The following TFDP2 variants were observed in gnomAD, a reference collection of about 807,000 sequenced individuals.
TFDP2 encodes the protein transcription factor Dp-2.
A neutral mutation model predicts 59.3 loss-of-function variants in TFDP2; 17 were observed. That is an observed-to-expected ratio of 0.29 (90% CI 0.20 to 0.43). The LOEUF (loss-of-function observed/expected upper bound fraction) is 0.43, where lower values mean the gene tolerates loss of function less well. TFDP2 is among the 20% of genes least tolerant of loss of function. TFDP2 has a pLI of 1.00. For missense variants in TFDP2, 391 were observed against 528.8 expected (o/e 0.74, Z 2.56); for synonymous variants, 180 against 194.7 (o/e 0.92, Z 0.63).
At chr3:142,082,369 A>G (rs1432653278) in intron 3 of TFDP2, among the ~76,000 whole-genome samples, 2 of 152,226 alleles carry the variant, frequency 1.3e-5, no homozygotes, top group Admixed American at 6.5e-5. Flanking sequence ...AAGGTGCACA[A>G]CAAATGTAAT....
chr3:142,134,857 A>C (rs1376333497), intron 1 of TFDP2, among the ~76,000 whole-genome samples: 4 of 152,078 alleles, frequency 2.6e-5, no homozygotes, highest in African/African-American at 9.7e-5. Flanking sequence ...GCAAAAAGAA[A>C]AAAAATCTGT....
chr3:142,038,579 T>A (rs996674162), intron 3 of TFDP2, among the ~76,000 whole-genome samples: 1 of 152,118 alleles, frequency 6.6e-6, no homozygotes, highest in African/African-American at 2.4e-5. Flanking sequence ...TAGCTTTTTA[T>A]ATAATGTCCA....
intron 6 of TFDP2, among the ~76,000 whole-genome samples, chr3:141,985,846 ACT>A (rs1182902628): frequency 6.6e-6 from 1 of 152,188 alleles, no homozygotes; most frequent in African/African-American, 2.4e-5. Context: ...TTGGAGAAAA[ACT>A]CTGCAAATCA....
At chr3:142,104,603 A>C (rs1339671131) in intron 1 of TFDP2, among the ~76,000 whole-genome samples, 1 of 152,202 alleles carries the variant, frequency 6.6e-6, no homozygotes, top group Non-Finnish European at 1.5e-5. Context: ...ATATTTAGCT[A>C]TATTATTAAA....
intron 3 of TFDP2, among the ~76,000 whole-genome samples, chr3:142,083,771 T>G (rs988971245): frequency 6.6e-6 from 1 of 152,158 alleles, no homozygotes; most frequent in African/African-American, 2.4e-5. Flanking sequence ...GTTTCTTCAA[T>G]AAACAGTGCT....
At chr3:142,139,111 A>C (rs2062840727) in intron 1 of TFDP2, among the ~76,000 whole-genome samples, 3 of 152,118 alleles carry the variant, frequency 2.0e-5, no homozygotes, top group African/African-American at 7.2e-5. Context: ...TCCCTGTACC[A>C]CTGCGTAATG....
Position 141,963,888 on chromosome 3 carries a change from A to C in TFDP2, c.808T>G (p.Ser270Ala), listed in dbSNP as rs1454859029. ...QQNQGPPALNSTIQLPFIIIN... is the reference protein window; with the variant it reads ...QQNQGPPALNATIQLPFIIIN... Reference sequence around the variant, plus strand: ...ATTATGAATGGCAGCTGAATGGTAGAGTTCAGAGCCGGCGGGCCCTGGTTT... The same window carrying C: ...ATTATGAATGGCAGCTGAATGGTAGCGTTCAGAGCCGGCGGGCCCTGGTTT... The change falls in exon 10 of 13, where the codon TCT (serine) becomes GCT (alanine). Residue 270 changes from serine to alanine, a missense_variant. This residue lies in a region of TFDP2 where 223 missense variants were observed against 292.5 expected (regional missense o/e 0.76). Transcript: ENST00000489671. 2 of 1,613,734 alleles carry C rather than the reference A, an allele frequency of 1.2e-6. No individual in the cohort carries two copies. The highest frequency in any genetic ancestry group is 3.3e-5 in the Admixed American group (2 of 59,924).
chr3:142,043,806 C>G (rs1414324014), intron 3 of TFDP2: 1 of 1,593,384 alleles, frequency 6.3e-7, no homozygotes, highest in Non-Finnish European at 8.6e-7. Flanking sequence ...CCATGAGAAT[C>G]CGCTTGTTTT....
intron 4 of TFDP2, among the ~76,000 whole-genome samples, chr3:142,000,863 G>A (rs529377925): frequency 3.3e-5 from 5 of 152,282 alleles, no homozygotes; most frequent in East Asian, 1.9e-4. Context: ...AATAATCTTC[G>A]ACTTGATATC....
At chr3:142,136,059 A>G (rs2108740291) in intron 1 of TFDP2, among the ~76,000 whole-genome samples, 1 of 152,148 alleles carries the variant, frequency 6.6e-6, no homozygotes, top group South Asian at 2.1e-4. Context: ...CATCCTCTCC[A>G]GCACGTTGTT....
chr3:142,093,205 C>A, intron 2 of TFDP2, 78 bp from the exon 3 acceptor site: 1 of 871,500 alleles, frequency 1.1e-6, no homozygotes, highest in Non-Finnish European at 1.7e-6. Flanking sequence ...TTTATATCTT[C>A]CATCAGACAT....
intron 9 of TFDP2, among the ~76,000 whole-genome samples, chr3:141,964,825 G>C (rs1937701913): frequency 6.6e-6 from 1 of 152,164 alleles, no homozygotes; most frequent in African/African-American, 2.4e-5. Context: ...TTGGAATCCA[G>C]CCCCAGCCTT....
At chr3:142,033,987 C>T (rs1351213182) in intron 3 of TFDP2, among the ~76,000 whole-genome samples, 1 of 152,026 alleles carries the variant, frequency 6.6e-6, no homozygotes, top group Non-Finnish European at 1.5e-5. Context: ...TTGTTCCCTT[C>T]TAACTGCTAA....
intron 1 of TFDP2, among the ~76,000 whole-genome samples, chr3:142,134,790 C>A (rs867910091): frequency 1.3e-5 from 2 of 152,010 alleles, no homozygotes; most frequent in Non-Finnish European, 2.9e-5. Context: ...GATACATAGT[C>A]TATCAAGGCT....
At chr3:142,035,040 G>T (rs965460149) in intron 3 of TFDP2, among the ~76,000 whole-genome samples, 1 of 152,088 alleles carries the variant, frequency 6.6e-6, no homozygotes, top group African/African-American at 2.4e-5. Flanking sequence ...TTCCTTCTCT[G>T]TTTCCACCCC....
rs538252776 is a variant in TFDP2, at chr3:141,993,696, C to T, written c.309-111G>A. On this transcript the variant is annotated intron_variant, in intron 5 of 12. Coordinates refer to ENST00000489671, the MANE Select transcript of TFDP2 (RefSeq NM_001178139.2). ...ATTATACACTGAATATATTCAAAGA[C>T]TAAAACTAGCAAATACAAAAGATAG... is the stretch of plus-strand genomic sequence containing the variant. The T allele has an allele frequency of 7.7e-5, 41 of 529,272 alleles. No individual in the cohort carries two copies. The Admixed American group carries it at 1.4e-3, about 18-fold the overall frequency. 32.8% of individuals were successfully genotyped at this position (529,272 alleles called of 1,614,324 possible).
chr3:142,054,835 G>A (rs2059682889), intron 3 of TFDP2, among the ~76,000 whole-genome samples: 1 of 152,114 alleles, frequency 6.6e-6, no homozygotes, highest in Admixed American at 6.6e-5. Flanking sequence ...TGGATCAAGT[G>A]GGGAAAGACA....
At chr3:142,102,087 A>G (rs2061331895) in intron 1 of TFDP2, among the ~76,000 whole-genome samples, 1 of 152,224 alleles carries the variant, frequency 6.6e-6, no homozygotes, top group African/African-American at 2.4e-5. Flanking sequence ...TTGAAATGGT[A>G]TTAGGCTATG....
At chr3:141,981,403 T>A (rs544403505) in intron 6 of TFDP2, among the ~76,000 whole-genome samples, 1 of 152,292 alleles carries the variant, frequency 6.6e-6, no homozygotes, top group South Asian at 2.1e-4. Context: ...TAGCCCCTCA[T>A]TAAGTGATGT....
Sources: allele counts gnomAD v4.1 joint callset (sites outside exome capture counted in the v4.1 genomes callset), GRCh38; gene constraint gnomAD v4.1.1; regional missense constraint gnomAD v4.1.1; transcripts MANE v1.5; gene names NCBI Gene and HGNC (gene_info 2026-07-23, HGNC 2026-07-21).